Variants in ROBO2 observed in about 807,000 individuals in gnomAD.
ROBO2 encodes roundabout homolog 2.
Under a neutral mutation model 160.8 loss-of-function variants are expected in ROBO2, and 53 were observed. The ratio of observed to expected loss-of-function variants is 0.33; its 90% CI spans 0.26 to 0.41. The LOEUF (loss-of-function observed/expected upper bound fraction) is 0.41, where lower values mean the gene tolerates loss of function less well. ROBO2 is among the 10% of genes least tolerant of loss of function. The probability of loss-of-function intolerance (pLI) is 1.00; values close to 1 mark genes in which losing one functional copy is unlikely to be tolerated. For synonymous variants in ROBO2, 664 were observed against 611.7 expected, an observed-to-expected ratio of 1.09 and a Z score of -1.26; for missense variants, 1,577 against 1,722.4, an observed-to-expected ratio of 0.92 and a Z score of 1.49.
At chr3:77,281,057 G>T (rs1334772524) in intron 2 of ROBO2, among the ~76,000 whole-genome samples, 1 of 152,062 alleles carries the variant, frequency 6.6e-6, no homozygotes, top group Non-Finnish European at 1.5e-5. Flanking sequence ...ACATCAAGTG[G>T]AATATAAAAC....
intron 2 of ROBO2, among the ~76,000 whole-genome samples, chr3:77,277,184 CTTTCTTTCT>C (rs1412229712): frequency 1.1e-4 from 12 of 114,070 alleles, no homozygotes; most frequent in Non-Finnish European, 1.6e-4. Context: ...TTCTTTCTTT[CTTTCTTTCT>C]TTCTTTCTTT....
At chr3:76,479,789 A>G (rs2079114886) in intron 2 of ROBO2, among the ~76,000 whole-genome samples, 1 of 152,208 alleles carries the variant, frequency 6.6e-6, no homozygotes, top group Admixed American at 6.6e-5. Context: ...TGACTTGCCC[A>G]GGGTCTCACC....
At chr3:76,464,729 T>C (rs2078273850) in intron 2 of ROBO2, among the ~76,000 whole-genome samples, 2 of 152,158 alleles carry the variant, frequency 1.3e-5, no homozygotes, top group Non-Finnish European at 2.9e-5. Context: ...TTTCAAGAAT[T>C]TTAGTTTCAA....
chr3:76,855,403 C>T (rs1330413480), intron 2 of ROBO2, among the ~76,000 whole-genome samples: 1 of 152,140 alleles, frequency 6.6e-6, no homozygotes, highest in African/African-American at 2.4e-5. Context: ...TGTCTGTCCT[C>T]CATAAGCTAT....
chr3:76,610,105 A>G (rs2087972878), intron 2 of ROBO2, among the ~76,000 whole-genome samples: 1 of 152,166 alleles, frequency 6.6e-6, no homozygotes, highest in Admixed American at 6.5e-5. Flanking sequence ...AATTCGGTTT[A>G]ATAGCATTTG....
chr3:77,531,230 A>C (rs1229103874), intron 6 of ROBO2, among the ~76,000 whole-genome samples: 2 of 152,100 alleles, frequency 1.3e-5, no homozygotes, highest in Non-Finnish European at 2.9e-5. Flanking sequence ...ACTTCTAAGT[A>C]TTTTCTAACT....
intron 2 of ROBO2, among the ~76,000 whole-genome samples, chr3:77,423,805 C>T (rs1453608722): frequency 1.3e-5 from 2 of 152,178 alleles, no homozygotes; most frequent in Non-Finnish European, 2.9e-5. Context: ...CTTCCTAAAA[C>T]ATAATTCTCC....
chr3:77,312,092 G>GA (rs201311830), intron 2 of ROBO2, among the ~76,000 whole-genome samples: 37 of 149,216 alleles, frequency 2.5e-4, no homozygotes, highest in African/African-American at 4.9e-4. Flanking sequence ...TCTCAAAAAA[G>GA]AAAAAAAAAT....
chr3:76,909,359 T>G (rs566276479), intron 2 of ROBO2, among the ~76,000 whole-genome samples: 1 of 152,122 alleles, frequency 6.6e-6, no homozygotes, highest in Non-Finnish European at 1.5e-5. Context: ...GTGTCAACAA[T>G]ATGCTAGGAC....
At chr3:76,293,408 TGAACCG>T (rs1177411161) in intron 2 of ROBO2, among the ~76,000 whole-genome samples, 1 of 152,184 alleles carries the variant, frequency 6.6e-6, no homozygotes, top group East Asian at 1.9e-4. Context: ...GGGGCCAGAC[TGAACCG>T]GAATGTCTGC....
intron 2 of ROBO2, among the ~76,000 whole-genome samples, chr3:77,394,909 C>T (rs1191355512): frequency 4.6e-5 from 7 of 152,164 alleles, no homozygotes; most frequent in Admixed American, 4.6e-4. Context: ...CAATTCTTCA[C>T]TAATAACTAT....
intron 2 of ROBO2, among the ~76,000 whole-genome samples, chr3:76,132,198 A>T (rs1232039064): frequency 6.6e-6 from 1 of 152,110 alleles, no homozygotes; most frequent in Non-Finnish European, 1.5e-5. Flanking sequence ...AAGTTTTCAA[A>T]AGTTCTTTCC....
chr3:75,950,488 C>T (rs1200632602), intron 2 of ROBO2, among the ~76,000 whole-genome samples: 1 of 151,912 alleles, frequency 6.6e-6, no homozygotes, highest in Non-Finnish European at 1.5e-5. Flanking sequence ...TCTAGGCAGG[C>T]GAAGAGTATG....
At chr3:75,953,169 T>G (rs955874981) in intron 2 of ROBO2, among the ~76,000 whole-genome samples, 7 of 151,934 alleles carry the variant, frequency 4.6e-5, no homozygotes, top group African/African-American at 1.7e-4. Context: ...AAGAGTATGT[T>G]TAGTTTTGTA....
intron 2 of ROBO2, among the ~76,000 whole-genome samples, chr3:77,211,636 T>C (rs1316839540): frequency 6.6e-6 from 1 of 152,206 alleles, no homozygotes. Flanking sequence ...GTTTTAGACA[T>C]GAAGTCCTTG....
intron 22 of ROBO2, chr3:77,618,066 T>C: frequency 2.4e-6 from 1 of 419,478 alleles, no homozygotes; most frequent in Non-Finnish European, 4.4e-6. Context: ...TATTTCAGGC[T>C]AAAGTGCTCT....
intron 5 of ROBO2, among the ~76,000 whole-genome samples, chr3:77,494,913 A>T (rs535499212): frequency 3.0e-4 from 45 of 152,314 alleles, no homozygotes; most frequent in African/African-American, 1.0e-3. Flanking sequence ...CAGCCTATGT[A>T]GTGGGGAAAG....
At chr3:75,991,912 C>T (rs2065584663) in intron 2 of ROBO2, among the ~76,000 whole-genome samples, 1 of 152,160 alleles carries the variant, frequency 6.6e-6, no homozygotes, top group African/African-American at 2.4e-5. Context: ...AGACTGGTGA[C>T]ATTTTGCCCC....
intron 21 of ROBO2, among the ~76,000 whole-genome samples, chr3:77,615,804 T>A (rs1185993667): frequency 6.6e-6 from 1 of 152,194 alleles, no homozygotes; most frequent in African/African-American, 2.4e-5. Flanking sequence ...ATATACACGT[T>A]CAAGTTTTAT....
Sources: allele counts gnomAD v4.1 joint callset (sites outside exome capture counted in the v4.1 genomes callset), GRCh38; gene constraint gnomAD v4.1.1; transcripts MANE v1.5; gene names NCBI Gene and HGNC (gene_info 2026-07-23, HGNC 2026-07-21).